SUFU: variants seen among roughly 807,000 people sequenced by gnomAD.
The protein encoded by SUFU is SUFU negative regulator of hedgehog signaling.
In SUFU, 7 loss-of-function variants were observed where a neutral mutation model predicts 58.9. The observed-to-expected ratio is 0.12, with a 90% CI of 0.07 to 0.22. The LOEUF (loss-of-function observed/expected upper bound fraction) is 0.22. SUFU is among the 10% of genes least tolerant of loss of function. SUFU has a pLI of 1.00. For synonymous variants in SUFU, 232 were observed against 254.8 expected, an observed-to-expected ratio of 0.91 and a Z score of 0.85; for missense variants, 451 against 641.3, an observed-to-expected ratio of 0.70 and a Z score of 3.20.
At chr10:102,529,019 G>GT (rs951914127) in intron 2 of SUFU, among the ~76,000 whole-genome samples, 4 of 145,588 alleles carry the variant, frequency 2.7e-5, no homozygotes, top group East Asian at 4.0e-4. Flanking sequence ...AGATTTATGG[G>GT]TTTTTTTTCT....
intron 3 of SUFU, among the ~76,000 whole-genome samples, chr10:102,587,735 C>A (rs1396610130): frequency 1.3e-5 from 2 of 152,162 alleles, no homozygotes; most frequent in African/African-American, 2.4e-5. Flanking sequence ...CTCAGGTGAT[C>A]TGCCCACCTC....
At chr10:102,567,448 C>T (rs555624840) in intron 3 of SUFU, among the ~76,000 whole-genome samples, 72 of 152,232 alleles carry the variant, frequency 4.7e-4, no homozygotes, top group African/African-American at 1.7e-3. Flanking sequence ...TGGGTCTCCA[C>T]CGCCAGGCCT....
At chr10:102,547,791 A>C (rs923399054) in intron 2 of SUFU, among the ~76,000 whole-genome samples, 11 of 152,056 alleles carry the variant, frequency 7.2e-5, no homozygotes, top group African/African-American at 2.7e-4. Context: ...CATTGTATAG[A>C]GCAAGATGCT....
At chr10:102,523,277 T>A (rs866073297) in intron 2 of SUFU, among the ~76,000 whole-genome samples, 1 of 152,128 alleles carries the variant, frequency 6.6e-6, no homozygotes, top group South Asian at 2.1e-4. Context: ...ATCAAAGAGA[T>A]GTCTTGTTTT....
At chr10:102,551,594 C>T (rs1247671051) in intron 3 of SUFU, among the ~76,000 whole-genome samples, 1 of 149,876 alleles carries the variant, frequency 6.7e-6, no homozygotes, top group Non-Finnish European at 1.5e-5. Context: ...GCCAAGATCG[C>T]ACCACTGTAC....
chr10:102,578,495 G>T (rs569244436), intron 3 of SUFU, among the ~76,000 whole-genome samples: 1 of 151,660 alleles, frequency 6.6e-6, no homozygotes, highest in East Asian at 1.9e-4. Context: ...GGATCATAAG[G>T]TCAAGAGATT....
At chr10:102,555,185 A>G (rs774464912) in intron 3 of SUFU, among the ~76,000 whole-genome samples, 42 of 149,782 alleles carry the variant, frequency 2.8e-4, no homozygotes, top group African/African-American at 7.1e-4. Context: ...GGAGAATGGC[A>G]TGAACCCAAG....
chr10:102,528,561 C>A (rs1476386002), intron 2 of SUFU, among the ~76,000 whole-genome samples: 1 of 152,052 alleles, frequency 6.6e-6, no homozygotes, highest in Non-Finnish European at 1.5e-5. Flanking sequence ...CAGAGTGAGA[C>A]CCTGTCTCAA....
In SUFU at chr10:102,629,949, TC is replaced by T; in HGVS notation, c.1366-114del. 5 of 945,078 alleles carry T rather than the reference TC, an allele frequency of 5.3e-6. No individual in the cohort carries two copies. Among genetic ancestry groups the T allele is most frequent in the Admixed American group, 1.7e-5 (1 of 59,086 alleles). The allele number at this position is 945,078 out of a possible 1,614,324, so 58.5% of individuals were successfully genotyped here. A position where few individuals can be genotyped will look rare whatever the true frequency, so the allele number is the denominator to read the frequency against. On this transcript the variant is annotated intron_variant, in intron 11 of 11. Transcript: ENST00000369902. The surrounding 1 kb of genome is among the most constrained non-coding windows in gnomAD (Gnocchi z 4.7). ...TAGCATTTGAGAATGAAGCCACGCC[TC>T]CCGCGGCCTGTCCTATCCCTAGCTC...
chr10:102,551,741 T>TG (rs1297590077), intron 3 of SUFU, among the ~76,000 whole-genome samples: 2 of 138,872 alleles, frequency 1.4e-5, no homozygotes, highest in African/African-American at 2.7e-5. Context: ...TTTTTTTTTT[T>TG]GGAGATGGAG....
chr10:102,580,198 C>G (rs2063261359), intron 3 of SUFU, among the ~76,000 whole-genome samples: 1 of 152,120 alleles, frequency 6.6e-6, no homozygotes, highest in Non-Finnish European at 1.5e-5. Context: ...CTGCTGTGCA[C>G]TGTGTTGGGA....
intron 2 of SUFU, among the ~76,000 whole-genome samples, chr10:102,534,087 T>A (rs2062707411): frequency 6.6e-6 from 1 of 152,160 alleles, no homozygotes; most frequent in Non-Finnish European, 1.5e-5. Flanking sequence ...ATGAGGTTGC[T>A]GAAGGAGACC....
rs115219233 is a variant in SUFU at position 102,573,821 on chromosome 10, G to A, written c.455-18761G>A. Among the ~76,000 whole-genome samples, 396 of 152,224 alleles carry A rather than the reference G, an allele frequency of 2.6e-3. 3 individuals carry two copies. The highest frequency in any genetic ancestry group is 9.2e-3 in the African/African-American group (384 of 41,524). ...GAAGGCAAAATGTTGGTTTCCAGGG[G>A]TTGGAAGCAGTGGAATGGGGAGTTA... On this transcript the variant is annotated intron_variant, in intron 3 of 11. Transcript: ENST00000369902.
chr10:102,539,496 A>C (rs1201958924), intron 2 of SUFU, among the ~76,000 whole-genome samples: 1 of 152,198 alleles, frequency 6.6e-6, no homozygotes, highest in Non-Finnish European at 1.5e-5. Context: ...TTTTCCATTA[A>C]TAATTAATAA....
At chr10:102,543,700 T>C (rs748277493) in intron 2 of SUFU, among the ~76,000 whole-genome samples, 23 of 152,336 alleles carry the variant, frequency 1.5e-4, no homozygotes, top group Non-Finnish European at 2.6e-4. Flanking sequence ...AATTATACAA[T>C]TTTTCCTGTA....
In SUFU at chr10:102,504,323, C is replaced by G. The variant is rs1283661186; in HGVS notation, c.171C>G (p.Ile57Met). 2 of 1,614,114 alleles carry G rather than the reference C, an allele frequency of 1.2e-6. No individual in the cohort carries two copies. Among genetic ancestry groups the G allele is most frequent in the Non-Finnish European group, 8.5e-7 (1 of 1,180,034 alleles). The change falls in exon 1 of 12, where the codon ATC becomes ATG. Residue 57 changes from isoleucine (I) to methionine (M), a missense_variant. By Grantham distance (10) the Ile-to-Met change is conservative. Transcript: ENST00000369902. ...DQPNPLQVTA[I>M]VKYWLGGPDP... ...CGAACCCGCTCCAGGTTACCGCTAT[C>G]GTCAAGTACTGGTATGCTCTGGGCC...
At chr10:102,582,558 AC>A (rs984503089) in intron 3 of SUFU, among the ~76,000 whole-genome samples, 7 of 151,662 alleles carry the variant, frequency 4.6e-5, no homozygotes, top group Admixed American at 4.0e-4. Context: ...CCTGTTCAGC[AC>A]CCCCCACGTT....
At chr10:102,607,841 G>T (rs1474525894) in intron 8 of SUFU, among the ~76,000 whole-genome samples, 2 of 151,664 alleles carry the variant, frequency 1.3e-5, no homozygotes, top group Admixed American at 6.6e-5. Flanking sequence ...AACCCAGGAG[G>T]TGGAGGTTGC....
At chr10:102,611,241 T>C (rs1477951205) in intron 8 of SUFU, among the ~76,000 whole-genome samples, 1 of 152,154 alleles carries the variant, frequency 6.6e-6, no homozygotes, top group Admixed American at 6.5e-5. Flanking sequence ...GCCTCAGGGA[T>C]TGGAAAGTCT....
Sources: gnomAD v4.1 joint callset for allele counts (sites outside exome capture counted in the v4.1 genomes callset) on GRCh38, gnomAD v4.1.1 for gene constraint, Gnocchi (gnomAD v3.1) non-coding constraint, MANE v1.5 for transcripts, NCBI Gene and HGNC (gene_info 2026-07-23, HGNC 2026-07-21) for gene names.